KARS1: variants seen among roughly 807,000 people sequenced by gnomAD.
The protein encoded by KARS1 is lysine--tRNA ligase.
KARS1 carries 50 observed loss-of-function variants against 63.9 expected under a neutral mutation model. The observed-to-expected ratio is 0.78, with a 90% confidence interval of 0.62 to 0.99. The LOEUF is 0.99. Among genes scored for constraint, KARS1 ranks in the 50% least tolerant of loss-of-function variants. KARS1 has a pLI of 0.00. For missense variants in KARS1, 816 were observed against 754.5 expected (o/e 1.08, Z -0.95); for synonymous variants, 320 against 264.6 (o/e 1.21, Z -2.03).
In KARS1 at chr16:75,640,324, G is replaced by C; in HGVS notation, c.248C>G (p.Ala83Gly). The C allele has an allele frequency of 6.2e-7, 1 of 1,609,180 alleles. No individual in the cohort carries two copies. Among genetic ancestry groups the C allele is most frequent in the Non-Finnish European group, 8.5e-7 (1 of 1,178,654 alleles). The change falls in exon 3 of 14, where the codon GCA becomes GGA. Residue 83 changes from alanine to glycine, a missense_variant. Ala to Gly is a moderately conservative substitution (Grantham distance 60, BLOSUM62 0). Coordinates refer to ENST00000302445, the MANE Select transcript of KARS1 (RefSeq NM_005548.3). ...CCCATTGACCTTCAGCTGATGAATT[G>C]CTTGACTGCGGATTTTGTAGTATTG... The part of the protein sequence containing the change: ...PNQYYKIRSQ[A>G]IHQLKVNGED...
intron 2 of KARS1, among the ~76,000 whole-genome samples, chr16:75,641,276 T>G (rs1597175000): frequency 1.3e-5 from 2 of 152,284 alleles, no homozygotes; most frequent in Non-Finnish European, 2.9e-5. Flanking sequence ...AAAGTAAACC[T>G]CAGGCAATCT....
chr16:75,636,972 A>G (rs1340283325), intron 3 of KARS1, among the ~76,000 whole-genome samples: 1 of 149,118 alleles, frequency 6.7e-6, no homozygotes, highest in Non-Finnish European at 1.5e-5. Context: ...TCAGGGCACA[A>G]TGCAAAGCAG....
At chr16:75,640,680 AC>A (rs1392783886) in intron 2 of KARS1, among the ~76,000 whole-genome samples, 1 of 152,214 alleles carries the variant, frequency 6.6e-6, no homozygotes, top group Non-Finnish European at 1.5e-5. Flanking sequence ...CGAGTCACTT[AC>A]GTTCTTAACT....
At chr16:75,637,844 C>G (rs548147735) in intron 3 of KARS1, among the ~76,000 whole-genome samples, 123 of 144,598 alleles carry the variant, frequency 8.5e-4, no homozygotes, top group Non-Finnish European at 1.6e-3. Flanking sequence ...TCTCAACAGC[C>G]AGGCTCCCTT....
At position 75,629,567 on chromosome 16, in the gene KARS1, G is replaced by T. The variant is rs749977799; in HGVS notation, c.1425-26C>A. 18 of 1,612,996 alleles carry T rather than the reference G, an allele frequency of 1.1e-5. 1 individual carries two copies. The South Asian group carries it at 1.9e-4, about 17-fold the overall frequency. On this transcript the variant is annotated intron_variant, in intron 11 of 13. Coordinates refer to ENST00000302445, the MANE Select transcript of KARS1 (RefSeq NM_005548.3). ...CTAGGGACAGGAGACCAAAGAGGAG[G>T]CTGAATATAGAGGCCCCTAATGAGC...
chr16:75,646,164 G>A (rs2082281065), intron 1 of KARS1, among the ~76,000 whole-genome samples: 1 of 152,158 alleles, frequency 6.6e-6, no homozygotes, highest in Non-Finnish European at 1.5e-5. Flanking sequence ...AATATATTAA[G>A]GTCCTACCCA....
rs1332008476 is a variant in KARS1 at position 75,640,279 on chromosome 16, T to C, written c.293A>G (p.Lys98Arg). ...KVNGEDPYPH[K>R]FHVDISLTDF... ...AGTGAGTGAGATGTCTACATGGAACTTGTGTGGGTATGGGTCTTCCCCATT... is the reference window on the plus strand; with the variant it reads ...AGTGAGTGAGATGTCTACATGGAACCTGTGTGGGTATGGGTCTTCCCCATT... Residue 98 changes from lysine (K) to arginine (R), a missense_variant, in exon 3 of 14, where the codon AAG becomes AGG. By Grantham distance (26) the Lys-to-Arg change is conservative. Transcript: ENST00000302445. The C allele has an allele frequency of 6.2e-7, 1 of 1,613,934 alleles. No individual in the cohort carries two copies. The highest frequency in any genetic ancestry group is 8.5e-7 in the Non-Finnish European group (1 of 1,179,918).
chr16:75,628,727 A>T lies in KARS1; in HGVS notation c.1552-15T>A. On this transcript the variant is annotated splice_polypyrimidine_tract_variant and intron_variant, in intron 12 of 13. Transcript: ENST00000302445. ...GCAGCCTTGGCCTAGAAGAGGAAAG[A>T]GAACCAAAAGGTGACCTTCTTCTAA... 1 of 1,614,184 alleles carries T rather than the reference A, an allele frequency of 6.2e-7. No homozygotes were observed. The highest frequency in any genetic ancestry group is 1.1e-5 in the South Asian group (1 of 91,080).
Position 75,628,668 on chromosome 16 carries a change from G to T in KARS1, c.1596C>A (p.Asn532Lys). ...GDDEAMFIDE[N>K]FCTALEYGLP... Reference sequence around the variant, plus strand: ...GCCCATATTCCAGGGCAGTACAGAAGTTTTCATCTATGAACATGGCCTCAT... The same window carrying T: ...GCCCATATTCCAGGGCAGTACAGAATTTTTCATCTATGAACATGGCCTCAT... The change falls in exon 13 of 14, where the codon AAC (asparagine) becomes AAA (lysine). Residue 532 changes from asparagine to lysine, a missense_variant. By Grantham distance (94) the Asn-to-Lys change is moderately conservative. Transcript: ENST00000302445. 1.2e-6 allele frequency: 2 copies of T among 1,614,214 alleles called. No homozygotes were observed. Among genetic ancestry groups the T allele is most frequent in the South Asian group, 1.1e-5 (1 of 91,082 alleles).
intron 3 of KARS1, among the ~76,000 whole-genome samples, chr16:75,638,169 C>T (rs1450684388): frequency 1.3e-5 from 2 of 149,192 alleles, no homozygotes; most frequent in African/African-American, 4.9e-5. Flanking sequence ...CCCCTCTAGA[C>T]AAAATAAAAG....
intron 6 of KARS1, among the ~76,000 whole-genome samples, chr16:75,634,937 T>A (rs558988365): frequency 6.6e-6 from 1 of 152,332 alleles, no homozygotes; most frequent in Admixed American, 6.5e-5. Context: ...CTCAACTGAT[T>A]GTTTAAAAAA....
At chr16:75,642,736 T>C (rs963062183) in intron 1 of KARS1, 3 of 152,216 alleles carry the variant, frequency 2.0e-5, no homozygotes, top group Non-Finnish European at 4.4e-5. Flanking sequence ...AGCAGTATAG[T>C]ACAGGGGGTA....
At chr16:75,633,294 C>T (rs988880479) in intron 7 of KARS1, among the ~76,000 whole-genome samples, 6 of 152,140 alleles carry the variant, frequency 3.9e-5, no homozygotes, top group African/African-American at 1.4e-4. Flanking sequence ...TTTCAGTGTA[C>T]GTTTTATTCA....
chr16:75,631,312 A>G, intron 9 of KARS1, 59 bp from the exon 10 acceptor site: 1 of 1,580,956 alleles, frequency 6.3e-7, no homozygotes, highest in Non-Finnish European at 8.7e-7. Flanking sequence ...GTAAAAATGT[A>G]CATAAAGAGA....
intron 12 of KARS1, 186 bp from the exon 13 acceptor site, chr16:75,628,898 G>A (rs1452690628): frequency 5.9e-6 from 4 of 674,866 alleles, no homozygotes; most frequent in Non-Finnish European, 1.0e-5. Context: ...AGACCTGGAG[G>A]TCAGGACTGA....
At chr16:75,638,225 T>TA (rs1423444866) in intron 3 of KARS1, among the ~76,000 whole-genome samples, 3 of 152,220 alleles carry the variant, frequency 2.0e-5, no homozygotes, top group African/African-American at 4.8e-5. Context: ...TCCTTTTTTT[T>TA]TTTTTATTTT....
Position 75,631,413 on chromosome 16 carries a change from T to C in KARS1, c.1252+3A>G. The stretch of plus-strand genomic sequence containing the variant: ...AACGGAGGAGTGAGTGTTGTCACTT[T>C]ACCTTCAGTTTCAAAGAGGTTCGTT... On this transcript the variant is annotated splice_donor_region_variant and intron_variant, in intron 9 of 13. Coordinates refer to ENST00000302445, the MANE Select transcript of KARS1 (RefSeq NM_005548.3). The C allele has an allele frequency of 1.2e-6, 2 of 1,614,094 alleles. No homozygotes were observed. Among genetic ancestry groups the C allele is most frequent in the Non-Finnish European group, 1.7e-6 (2 of 1,179,964 alleles).
At chr16:75,647,156 G>A (rs1157644578) in intron 1 of KARS1, among the ~76,000 whole-genome samples, 1 of 152,174 alleles carries the variant, frequency 6.6e-6, no homozygotes, top group African/African-American at 2.4e-5. Context: ...GTGAGGCCCA[G>A]AAAATTTTGA....
At chr16:75,636,313 C>T (rs2082161200) in intron 4 of KARS1, 141 bp downstream of exon 4, 2 of 781,744 alleles carry the variant, frequency 2.6e-6, no homozygotes, top group East Asian at 2.4e-5. Flanking sequence ...CAGGTGGCCA[C>T]ATTATCCTCT....
Sources: allele counts gnomAD v4.1 joint callset (sites outside exome capture counted in the v4.1 genomes callset), GRCh38; gene constraint gnomAD v4.1.1; transcripts MANE v1.5; gene names NCBI Gene and HGNC (gene_info 2026-07-23, HGNC 2026-07-21).